CCDC30: variants seen among roughly 807,000 people sequenced by gnomAD.
CCDC30 encodes coiled-coil domain containing 30.
A neutral mutation model predicts 100.2 loss-of-function variants in CCDC30; 70 were observed. The ratio of observed to expected loss-of-function variants is 0.70; its 90% CI spans 0.58 to 0.85. The LOEUF (loss-of-function observed/expected upper bound fraction) is 0.85, where lower values mean the gene tolerates loss of function less well. CCDC30 is among the 40% of genes least tolerant of loss of function. The pLI is 0.00. For synonymous variants in CCDC30, 233 were observed against 269.5 expected, an observed-to-expected ratio of 0.86 and a Z score of 1.33; for missense variants, 652 against 771.2, an observed-to-expected ratio of 0.85 and a Z score of 1.83.
intron 6 of CCDC30, among the ~76,000 whole-genome samples, chr1:42,504,283 A>G (rs2783377): frequency 0.98 from 149,226 of 152,326 alleles, 73,163 homozygotes; most frequent in East Asian, 1. Flanking sequence ...CAGCGTGGGC[A>G]TTATGGCCAT....
the CCDC30 span, chr1:42,456,575 A>G: frequency 3.4e-6 from 5 of 1,484,154 alleles, no homozygotes; most frequent in Admixed American, 2.6e-5. Context: ...GATGGCGGAA[A>G]TGGATCCGGT....
chr1:42,619,436 T>C (rs1193420748), intron 11 of CCDC30, among the ~76,000 whole-genome samples: 1 of 152,042 alleles, frequency 6.6e-6, no homozygotes, highest in Non-Finnish European at 1.5e-5. Flanking sequence ...ATAGGAGAAA[T>C]AGTATGCAAA....
At chr1:42,473,167 G>A in intron 1 of CCDC30, 1 of 1,230,694 alleles carries the variant, frequency 8.1e-7, no homozygotes, top group Non-Finnish European at 1.0e-6. Flanking sequence ...TGAAAAAGAA[G>A]AAATCAATCC....
chr1:42,621,243 G>A (rs1316799906), intron 11 of CCDC30, among the ~76,000 whole-genome samples: 4 of 152,168 alleles, frequency 2.6e-5, no homozygotes, highest in African/African-American at 9.7e-5. Context: ...ATCACATCGT[G>A]GAGAATGGGG....
chr1:42,603,210 G>A (rs575404301), intron 10 of CCDC30, among the ~76,000 whole-genome samples: 22 of 152,296 alleles, frequency 1.4e-4, no homozygotes, highest in African/African-American at 5.1e-4. Context: ...ATGGCACTTT[G>A]TTGCTGCACC....
intron 6 of CCDC30, among the ~76,000 whole-genome samples, chr1:42,563,710 C>G (rs1358107133): frequency 6.6e-6 from 1 of 152,116 alleles, no homozygotes; most frequent in Non-Finnish European, 1.5e-5. Flanking sequence ...AACCCCGTCT[C>G]TACTAAAAAT....
intron 6 of CCDC30, among the ~76,000 whole-genome samples, chr1:42,553,080 C>T (rs1441545591): frequency 6.6e-6 from 1 of 152,112 alleles, no homozygotes; most frequent in Non-Finnish European, 1.5e-5. Context: ...GGTGAAGGCA[C>T]AGTTTTTTCT....
At chr1:42,491,578 T>G (rs1644142964) in intron 4 of CCDC30, among the ~76,000 whole-genome samples, 1 of 152,212 alleles carries the variant, frequency 6.6e-6, no homozygotes, top group Non-Finnish European at 1.5e-5. Context: ...AATAATAATT[T>G]AATTGTACCT....
chr1:42,641,005 C>A lies in CCDC30; in HGVS notation c.1420-1468C>A, dbSNP rs893962074. ...GCACAGTGTCTCATGCCTGTAATCCCAGTCCTTTGGGAGGCTGAAGCAGGA... is the reference window on the plus strand; with the variant it reads ...GCACAGTGTCTCATGCCTGTAATCCAAGTCCTTTGGGAGGCTGAAGCAGGA... On this transcript the variant is annotated intron_variant, in intron 12 of 16. Transcript: ENST00000668663. Among the ~76,000 whole-genome samples, 13 of 151,846 alleles carry A rather than the reference C, an allele frequency of 8.6e-5. No individual in the cohort carries two copies. The South Asian group carries it at 1.9e-3, about 22-fold the overall frequency.
At chr1:42,462,389 TG>T (rs1643435871), upstream of CCDC30, among the ~76,000 whole-genome samples, 1 of 152,180 alleles carries the variant, frequency 6.6e-6, no homozygotes, top group African/African-American at 2.4e-5. Context: ...GGGCTACAAG[TG>T]CTGGTGGTGA....
At chr1:42,565,339 A>G (rs751060596) in intron 6 of CCDC30, among the ~76,000 whole-genome samples, 1 of 152,226 alleles carries the variant, frequency 6.6e-6, no homozygotes, top group Non-Finnish European at 1.5e-5. Context: ...ACAACTCAAT[A>G]GCAAGAAAAC....
At chr1:42,593,039 C>T (rs1646218583) in intron 10 of CCDC30, 1 of 152,186 alleles carries the variant, frequency 6.6e-6, no homozygotes. Flanking sequence ...AAGCAATTCT[C>T]CAATTCTTTG....
chr1:42,564,450 C>A (rs779989044), intron 6 of CCDC30, among the ~76,000 whole-genome samples: 2 of 151,982 alleles, frequency 1.3e-5, no homozygotes, highest in Non-Finnish European at 2.9e-5. Flanking sequence ...GTAGCTGGGA[C>A]TACAGGTGCG....
At chr1:42,474,477 G>A (rs562035139) in intron 1 of CCDC30, among the ~76,000 whole-genome samples, 2 of 152,292 alleles carry the variant, frequency 1.3e-5, no homozygotes, top group South Asian at 2.1e-4. Context: ...AAGAGGAAAC[G>A]AAAGTTTGCC....
chr1:42,461,637 C>T (rs111409266), upstream of CCDC30, among the ~76,000 whole-genome samples: 30,285 of 151,198 alleles, frequency 0.2, 3,307 homozygotes, highest in South Asian at 0.42. Flanking sequence ...AGCTCTGCCT[C>T]CCGGGTTCAC....
chr1:42,557,308 G>C (rs367894675), intron 6 of CCDC30, among the ~76,000 whole-genome samples: 3 of 152,318 alleles, frequency 2.0e-5, no homozygotes, highest in Admixed American at 6.5e-5. Flanking sequence ...AGGAGATTTA[G>C]ATACACCTGT....
chr1:42,481,449 C>A (rs1643956042), intron 2 of CCDC30, among the ~76,000 whole-genome samples: 1 of 151,794 alleles, frequency 6.6e-6, no homozygotes, highest in Non-Finnish European at 1.5e-5. Flanking sequence ...TCGTGGTGCA[C>A]ACCTGTAATC....
chr1:42,552,871 G>A (rs1645282439), intron 6 of CCDC30, among the ~76,000 whole-genome samples: 2 of 152,124 alleles, frequency 1.3e-5, no homozygotes, highest in African/African-American at 4.8e-5. Context: ...CAGGTGGGTT[G>A]GAATTCTAAA....
intron 12 of CCDC30, among the ~76,000 whole-genome samples, chr1:42,639,575 A>T (rs1311140260): frequency 1.3e-5 from 2 of 152,202 alleles, no homozygotes; most frequent in African/African-American, 4.8e-5. Flanking sequence ...GCTCACTGCC[A>T]TTGAAGGGTA....
Sources: gnomAD v4.1 joint callset for allele counts (sites outside exome capture counted in the v4.1 genomes callset) on GRCh38, gnomAD v4.1.1 for gene constraint, MANE v1.5 for transcripts, NCBI Gene and HGNC (gene_info 2026-07-23, HGNC 2026-07-21) for gene names.